The following DLGAP2 variants were observed in gnomAD, a reference collection of about 807,000 sequenced individuals.
DLGAP2 encodes disks large-associated protein 2.
DLGAP2 carries 26 observed loss-of-function variants against 100.3 expected under a neutral mutation model. The ratio of observed to expected loss-of-function variants is 0.26; its 90% confidence interval spans 0.19 to 0.36. The LOEUF (loss-of-function observed/expected upper bound fraction) is 0.36. DLGAP2 is among the 10% of genes least tolerant of loss of function. The pLI is 1.00. For synonymous variants in DLGAP2, 886 were observed against 630.1 expected (o/e 1.41, Z -6.08); for missense variants, 1,858 against 1,453.2 (o/e 1.28, Z -4.53).
chr8:1,556,302 G>T (rs1277122420), intron 5 of DLGAP2, among the ~76,000 whole-genome samples: 1 of 152,206 alleles, frequency 6.6e-6, no homozygotes, highest in Non-Finnish European at 1.5e-5. Context: ...CTCTGCTCCT[G>T]TGGGTGTGCA....
chr8:1,062,754 A>C (rs1192008176), intron 2 of DLGAP2, among the ~76,000 whole-genome samples: 1 of 152,112 alleles, frequency 6.6e-6, no homozygotes, highest in Non-Finnish European at 1.5e-5. Flanking sequence ...GACTAGTATG[A>C]CTGTAATCCA....
At position 1,410,677 on chromosome 8, in the gene DLGAP2, C is replaced by G. The variant is rs139133069; in HGVS notation, c.107-90689C>G. The stretch of plus-strand genomic sequence containing the variant: ...GCAGCACATAAGTGTGTTTCACGCA[C>G]GGCATCAGGGACACCCCATGGGCCT... On this transcript the variant is annotated intron_variant, in intron 3 of 14. Coordinates refer to ENST00000637795, the MANE Select transcript of DLGAP2 (RefSeq NM_001346810.2). Among the ~76,000 whole-genome samples, 6 of 152,172 alleles carry G rather than the reference C, an allele frequency of 3.9e-5. 1 individual carries two copies. The highest frequency in any genetic ancestry group is 2.0e-4 in the Admixed American group (3 of 15,276).
intron 2 of DLGAP2, among the ~76,000 whole-genome samples, chr8:1,206,495 T>C (rs1388295464): frequency 3.2e-3 from 487 of 151,064 alleles, no homozygotes; most frequent in Middle Eastern, 0.01. Context: ...TGGGCGGGGG[T>C]AGACTGTGAG....
At chr8:747,899 C>G (rs553876605) in intron 1 of DLGAP2, among the ~76,000 whole-genome samples, 1 of 358 alleles carries the variant, frequency 2.8e-3, no homozygotes. Context: ...GTGGGATGGG[C>G]GGGTCTGCGG....
intron 2 of DLGAP2, among the ~76,000 whole-genome samples, chr8:1,246,265 A>C (rs1179216472): frequency 6.6e-6 from 1 of 152,204 alleles, no homozygotes; most frequent in Non-Finnish European, 1.5e-5. Flanking sequence ...GAGTTCTAGA[A>C]ACTTGCAGTC....
chr8:1,657,939 G>C (rs1798320535), intron 8 of DLGAP2, among the ~76,000 whole-genome samples: 1 of 152,134 alleles, frequency 6.6e-6, no homozygotes, highest in African/African-American at 2.4e-5. Context: ...AATAGAAAAA[G>C]AAGTGAGAGA....
chr8:1,601,877 A>AT (rs972657761), intron 6 of DLGAP2, among the ~76,000 whole-genome samples: 1 of 151,724 alleles, frequency 6.6e-6, no homozygotes, highest in African/African-American at 2.4e-5. Context: ...TCAGTGAGAC[A>AT]TTTTTTTCAC....
chr8:1,295,255 G>A (rs750663812), intron 3 of DLGAP2, among the ~76,000 whole-genome samples: 1 of 152,168 alleles, frequency 6.6e-6, no homozygotes, highest in Non-Finnish European at 1.5e-5. Context: ...CCTCCATGCC[G>A]TCTCTTTCTT....
Position 1,142,304 on chromosome 8 carries a change from G to A in DLGAP2, c.74-116547G>A, listed in dbSNP as rs575487977. On this transcript the variant is annotated intron_variant, in intron 2 of 14. Transcript: ENST00000637795. ...ATTTTTTTCTGAAGAAAAAAAGTAC[G>A]ACACAGAAGCCATGAGTTCTGAGCA... 2.7e-3 allele frequency among the ~76,000 whole-genome samples: 404 copies of A among 152,186 alleles called. 1 individual carries two copies. Among genetic ancestry groups the A allele is most frequent in the Non-Finnish European group, 4.7e-3 (323 of 68,000 alleles).
chr8:930,688 C>T (rs1050386221), intron 2 of DLGAP2, among the ~76,000 whole-genome samples: 4 of 151,940 alleles, frequency 2.6e-5, no homozygotes, highest in Non-Finnish European at 4.4e-5. Context: ...TGCAGGTGTG[C>T]GGGGATTGGG....
At chr8:1,334,298 G>A (rs954214866) in intron 3 of DLGAP2, among the ~76,000 whole-genome samples, 3 of 152,218 alleles carry the variant, frequency 2.0e-5, no homozygotes, top group Non-Finnish European at 4.4e-5. Flanking sequence ...AGCCCTGGCA[G>A]CTCCCTTAGA....
In DLGAP2 at chr8:851,637, C is replaced by T. The variant is rs534880761; in HGVS notation, c.19-56275C>T. Among the ~76,000 whole-genome samples the T allele has an allele frequency of 2.0e-4, 30 of 152,326 alleles. 1 individual carries two copies. The highest frequency in any genetic ancestry group is 1.7e-3 in the South Asian group (8 of 4,830). Reference sequence around the variant, plus strand: ...TTCAGCCTCTGTTCAAAAAACTTGTCACATTTATTTATCCAGCTGCCGAAT... The same window carrying T: ...TTCAGCCTCTGTTCAAAAAACTTGTTACATTTATTTATCCAGCTGCCGAAT... On this transcript the variant is annotated intron_variant, in intron 1 of 14. Coordinates refer to ENST00000637795, the MANE Select transcript of DLGAP2 (RefSeq NM_001346810.2).
chr8:1,078,509 G>C (rs888256426), intron 2 of DLGAP2, among the ~76,000 whole-genome samples: 1 of 152,162 alleles, frequency 6.6e-6, no homozygotes, highest in African/African-American at 2.4e-5. Context: ...CACCCTGGCA[G>C]CATCACACAG....
At chr8:1,672,641 G>C (rs992064251) in intron 10 of DLGAP2, among the ~76,000 whole-genome samples, 6 of 152,206 alleles carry the variant, frequency 3.9e-5, no homozygotes, top group Non-Finnish European at 8.8e-5. Context: ...AAAAGTGTCT[G>C]CCTGATTCTC....
At position 772,006 on chromosome 8, in the gene DLGAP2, G is replaced by A. The variant is rs375206770; in HGVS notation, c.18+34181G>A. On this transcript the variant is annotated intron_variant, in intron 1 of 14. Coordinates refer to ENST00000637795, the MANE Select transcript of DLGAP2 (RefSeq NM_001346810.2). ...TAGCCTCCAACTCCTGGACTCAAGCGATCCTCTTGCCTCAGCCTCTCGAGT... is the reference window on the plus strand; with the variant it reads ...TAGCCTCCAACTCCTGGACTCAAGCAATCCTCTTGCCTCAGCCTCTCGAGT... Among the ~76,000 whole-genome samples, 25 of 152,192 alleles carry A rather than the reference G, an allele frequency of 1.6e-4. 1 individual carries two copies. Among genetic ancestry groups the A allele is most frequent in the Admixed American group, 5.2e-4 (8 of 15,284 alleles).
At chr8:812,452 G>T (rs1175509984) in intron 1 of DLGAP2, among the ~76,000 whole-genome samples, 1 of 152,170 alleles carries the variant, frequency 6.6e-6, no homozygotes, top group Non-Finnish European at 1.5e-5. Context: ...TGACTCAGGA[G>T]TTCTTCCCAA....
intron 2 of DLGAP2, among the ~76,000 whole-genome samples, chr8:1,107,710 A>T (rs2129045097): frequency 6.6e-6 from 1 of 152,300 alleles, no homozygotes; most frequent in East Asian, 1.9e-4. Flanking sequence ...GTTTTTGTAA[A>T]GCACACATAG....
At chr8:895,476 G>C (rs968698217) in intron 1 of DLGAP2, among the ~76,000 whole-genome samples, 4 of 152,164 alleles carry the variant, frequency 2.6e-5, no homozygotes, top group Non-Finnish European at 4.4e-5. Context: ...CCCCTTCTGA[G>C]ACCACACGCT....
chr8:1,237,750 C>G (rs1428325400), intron 2 of DLGAP2, among the ~76,000 whole-genome samples: 1 of 37,384 alleles, frequency 2.7e-5, no homozygotes, highest in Non-Finnish European at 4.7e-5. Context: ...GTGTCTAGTT[C>G]TCTCACATGT....
Sources: allele counts gnomAD v4.1 joint callset (sites outside exome capture counted in the v4.1 genomes callset), GRCh38; gene constraint gnomAD v4.1.1; transcripts MANE v1.5; gene names NCBI Gene and HGNC (gene_info 2026-07-23, HGNC 2026-07-21).